PREPL: variants seen among roughly 807,000 people sequenced by gnomAD.
The protein encoded by PREPL is prolyl endopeptidase like, also known as prolyl endopeptidase-like.
In PREPL, 77 loss-of-function variants were observed where a neutral mutation model predicts 70.6. The ratio of observed to expected loss-of-function variants is 1.09; its 90% CI spans 0.91 to 1.32. The LOEUF (loss-of-function observed/expected upper bound fraction) is 1.32, where lower values mean the gene tolerates loss of function less well. Among genes scored for constraint, PREPL ranks in the 40% most tolerant of loss-of-function variants. PREPL has a pLI of 0.00. For missense variants in PREPL, 1,002 were observed against 778.2 expected, an observed-to-expected ratio of 1.29 and a Z score of -3.42; for synonymous variants, 315 against 264.8, an observed-to-expected ratio of 1.19 and a Z score of -1.84.
At chr2:44,359,993 A>G in intron 1 of PREPL, 1 of 378,360 alleles carries the variant, frequency 2.6e-6, no homozygotes, top group Non-Finnish European at 4.8e-6. Context: ...TAATCCTATC[A>G]GGCTCAAACT....
At chr2:44,333,390 C>G (rs555225940) in intron 7 of PREPL, among the ~76,000 whole-genome samples, 4 of 152,250 alleles carry the variant, frequency 2.6e-5, no homozygotes, top group Admixed American at 2.6e-4. Flanking sequence ...CTCTGGTAAG[C>G]AGGTTGACAG....
chr2:44,322,998 G>A (rs1673133148), intron 11 of PREPL, 144 bp from the exon 12 acceptor site: 3 of 1,149,448 alleles, frequency 2.6e-6, no homozygotes, highest in East Asian at 2.4e-5. Flanking sequence ...GAGCGCCTCA[G>A]TATTACAGTA....
chr2:44,326,388 T>C (rs1673491749), intron 10 of PREPL, among the ~76,000 whole-genome samples: 2 of 150,876 alleles, frequency 1.3e-5, no homozygotes, highest in Admixed American at 6.6e-5. Flanking sequence ...CTTTCCTTTT[T>C]TTTTTTTTTT....
At position 44,321,393 on chromosome 2, in the gene PREPL, C is replaced by T. The variant is rs372256353; in HGVS notation, c.1880G>A (p.Ser627Asn). ...GTATTTCTTAAGATCCTCGAAAACA[C>T]TGGTGCTGTCAAGTCCAAGTTCCTC... is the stretch of plus-strand genomic sequence containing the variant. ...LYEELGLDST[S>N]VFEDLKKYLK... The change falls in exon 14 of 14, where the codon AGT becomes AAT. Residue 627 changes from serine to asparagine, a missense_variant. By Grantham distance (46) the Ser-to-Asn change is conservative. Coordinates refer to ENST00000409411, the MANE Select transcript of PREPL (RefSeq NM_001171613.2). 6 of 1,612,742 alleles carry T rather than the reference C, an allele frequency of 3.7e-6. No individual in the cohort carries two copies. The highest frequency in any genetic ancestry group is 2.2e-5 in the East Asian group (1 of 44,854).
Position 44,320,848 on chromosome 2 carries a change from C to A in PREPL, c.*508G>T. ...AATTATGGCTTATAGGAGCTTATAA[C>A]TTTATTCAGATAGCATCAATCAGGG... On this transcript the variant is annotated 3_prime_UTR_variant, in exon 14 of 14. Coordinates refer to ENST00000409411, the MANE Select transcript of PREPL (RefSeq NM_001171613.2). 1 of 579,994 alleles carries A rather than the reference C, an allele frequency of 1.7e-6. No individual in the cohort carries two copies. The highest frequency in any genetic ancestry group is 3.1e-6 in the Non-Finnish European group (1 of 327,178). 35.9% of individuals were successfully genotyped at this position (579,994 alleles called of 1,614,324 possible). A position where few individuals can be genotyped will look rare whatever the true frequency, so the allele number is the denominator to read the frequency against.
At chr2:44,357,846 G>T (rs1028439150) in intron 1 of PREPL, among the ~76,000 whole-genome samples, 1 of 152,042 alleles carries the variant, frequency 6.6e-6, no homozygotes, top group African/African-American at 2.4e-5. Context: ...TCTGAAGTAG[G>T]AAAGATGTAC....
intron 1 of PREPL, chr2:44,359,680 C>G: frequency 6.2e-6 from 10 of 1,613,136 alleles, no homozygotes; most frequent in Non-Finnish European, 8.5e-6. Flanking sequence ...TACTATACTT[C>G]AAAGCTTGGA....
chr2:44,359,704 C>T (rs760360976), intron 1 of PREPL: 5 of 1,609,132 alleles, frequency 3.1e-6, no homozygotes, highest in South Asian at 2.2e-5. Flanking sequence ...ATAATTTGGT[C>T]TTCTGCTGCA....
intron 1 of PREPL, among the ~76,000 whole-genome samples, chr2:44,350,423 AAT>A (rs1676292647): frequency 6.6e-6 from 1 of 152,154 alleles, no homozygotes; most frequent in South Asian, 2.1e-4. Flanking sequence ...TTAAATTAGG[AAT>A]AGAGAGGAAC....
At position 44,326,748 on chromosome 2, in the gene PREPL, A is replaced by T. The variant is rs1673541701; in HGVS notation, c.1443T>A (p.Asn481Lys). 1 of 1,614,138 alleles carries T rather than the reference A, an allele frequency of 6.2e-7. No homozygotes were observed. The highest frequency in any genetic ancestry group is 1.3e-5 in the African/African-American group (1 of 75,040). ...CCGCTCTCACCAGCTCTGGATTAGAATTACACAATGCTCCTGCAAGCACCC... is the reference window on the plus strand; with the variant it reads ...CCGCTCTCACCAGCTCTGGATTAGATTTACACAATGCTCCTGCAAGCACCC... The part of the protein sequence containing the change: ...AGGVLAGALC[N>K]SNPELVRAVT... The change falls in exon 10 of 14, where the codon AAT becomes AAA. Residue 481 changes from asparagine (N) to lysine (K), a missense_variant. By Grantham distance (94) the Asn-to-Lys change is moderately conservative. Transcript: ENST00000409411.
chr2:44,335,171 T>G (rs1439981869), intron 7 of PREPL, among the ~76,000 whole-genome samples: 1 of 152,164 alleles, frequency 6.6e-6, no homozygotes, highest in African/African-American at 2.4e-5. Context: ...AATGAAGAGA[T>G]AGAAGATACA....
intron 11 of PREPL, 36 bp from the exon 12 acceptor site, chr2:44,322,890 T>C (rs1413792813): frequency 6.2e-7 from 1 of 1,605,462 alleles, no homozygotes; most frequent in Admixed American, 1.7e-5. Flanking sequence ...GTTTACATTA[T>C]TTCTTATGGT....
chr2:44,346,913 T>G (rs538389377), intron 1 of PREPL, among the ~76,000 whole-genome samples: 1 of 152,172 alleles, frequency 6.6e-6, no homozygotes, highest in African/African-American at 2.4e-5. Context: ...ATTTCCCTAC[T>G]TCATTAACTA....
rs1158769786 is a variant in PREPL at position 44,323,334 on chromosome 2, C to T, written c.1557G>A (p.Gly519=). ...TGTGTTTTTCATCAGATGAAGGATT[C>T]CCCCATTCTTCTAATTCTTCTAATG... ...PLTLEELEEW[G]NPSSDEKHKN... is the part of the protein sequence containing the mutation. The change falls in exon 11 of 14, where the codon GGG becomes GGA. Residue 519 remains glycine, a synonymous_variant. Coordinates refer to ENST00000409411, the MANE Select transcript of PREPL (RefSeq NM_001171613.2). 3 of 1,602,822 alleles carry T rather than the reference C, an allele frequency of 1.9e-6. No individual in the cohort carries two copies. Among genetic ancestry groups the T allele is most frequent in the Admixed American group, 3.3e-5 (2 of 59,888 alleles).
intron 4 of PREPL, among the ~76,000 whole-genome samples, chr2:44,342,895 G>GT (rs1558507043): frequency 1.3e-5 from 2 of 152,184 alleles, no homozygotes; most frequent in Admixed American, 1.3e-4. Context: ...ACTTGAAACT[G>GT]TAAGTCTGAA....
chr2:44,325,800 C>G (rs1465539448), intron 10 of PREPL, among the ~76,000 whole-genome samples: 1 of 152,160 alleles, frequency 6.6e-6, no homozygotes, highest in Non-Finnish European at 1.5e-5. Flanking sequence ...AAATAATTTA[C>G]TCTCTCCCAT....
intron 1 of PREPL, chr2:44,360,041 AAAAC>A (rs2104277759): frequency 4.8e-6 from 1 of 207,808 alleles, no homozygotes; most frequent in East Asian, 1.2e-4. Context: ...GGGTTAAACT[AAAAC>A]AAAAAACAAA....
intron 1 of PREPL, among the ~76,000 whole-genome samples, chr2:44,346,784 G>C (rs543734245): frequency 6.6e-6 from 1 of 151,734 alleles, no homozygotes; most frequent in Non-Finnish European, 1.5e-5. Flanking sequence ...AAAATCTTTC[G>C]CGTTTAGGAA....
rs995540190 is a variant in PREPL, at chr2:44,358,404, TA to T, written c.-49+2975del. Among the ~76,000 whole-genome samples the T allele has an allele frequency of 1.0e-3, 158 of 151,754 alleles. 1 individual carries two copies. The highest frequency in any genetic ancestry group is 2.9e-3 in the African/African-American group (119 of 41,378). On this transcript the variant is annotated intron_variant, in intron 1 of 13. Coordinates refer to ENST00000409411, the MANE Select transcript of PREPL (RefSeq NM_001171613.2). ...TATGCGACAAAACCAGAAATTAAAA[TA>T]AAAAAAATATTAAAATCATAAATTT...
Sources: gnomAD v4.1 joint callset for allele counts (sites outside exome capture counted in the v4.1 genomes callset) on GRCh38, gnomAD v4.1.1 for gene constraint, MANE v1.5 for transcripts, NCBI Gene and HGNC (gene_info 2026-07-23, HGNC 2026-07-21) for gene names.